NDUFAF5: variants seen among roughly 807,000 people sequenced by gnomAD.
The protein encoded by NDUFAF5 is NADH:ubiquinone oxidoreductase complex assembly factor 5.
Under a neutral mutation model 48.9 loss-of-function variants are expected in NDUFAF5, and 34 were observed. The observed-to-expected ratio is 0.70, with a 90% confidence interval of 0.53 to 0.93. The LOEUF is 0.93. NDUFAF5 is among the 40% of genes least tolerant of loss of function. The pLI is 0.00. For synonymous variants in NDUFAF5, 153 were observed against 150.6 expected, an observed-to-expected ratio of 1.02 and a Z score of -0.12; for missense variants, 428 against 427.5, an observed-to-expected ratio of 1.00 and a Z score of -0.01.
At position 13,785,200 on chromosome 20, in the gene NDUFAF5, G is replaced by T. The variant is rs778663581; in HGVS notation, c.132G>T (p.Leu44=). The part of the protein sequence containing the change: ...SPRGSTSPRT[L]NIFDRDLKRK... ...GCGGTAGCACCTCGCCCAGAACCCT[G>T]AATATTTTCGACCGGGATTTGAAAA... Residue 44 remains leucine (L), a synonymous_variant, in exon 1 of 11, where the codon CTG becomes CTT. Transcript: ENST00000378106. 6.2e-7 allele frequency: 1 copy of T among 1,613,806 alleles called. No homozygotes were observed. Among genetic ancestry groups the T allele is most frequent in the South Asian group, 1.1e-5 (1 of 91,000 alleles).
Position 13,817,788 on chromosome 20 carries a change from T to G in NDUFAF5, c.*578T>G, listed in dbSNP as rs1311876418. 1 of 454,122 alleles carries G rather than the reference T, an allele frequency of 2.2e-6. No individual in the cohort carries two copies. The highest frequency in any genetic ancestry group is 1.6e-5 in the South Asian group (1 of 64,478). 28.1% of individuals were successfully genotyped at this position (454,122 alleles called of 1,614,324 possible). On this transcript the variant is annotated 3_prime_UTR_variant, in exon 11 of 11. Transcript: ENST00000378106. The stretch of plus-strand genomic sequence containing the variant: ...AAAGAATACCAGAAGTAGAATCACA[T>G]GTAACAGTCTCTGCACAGTCATCAG...
intron 8 of NDUFAF5, among the ~76,000 whole-genome samples, chr20:13,813,305 A>G (rs2423749): frequency 0.23 from 34,880 of 152,204 alleles, 4,146 homozygotes; most frequent in Non-Finnish European, 0.26. Flanking sequence ...TGCTTTCGTA[A>G]TGCTGCTTTT....
chr20:13,808,772 G>A (rs1294453993), intron 7 of NDUFAF5, 70 bp from the exon 8 acceptor site: 7 of 1,008,366 alleles, frequency 6.9e-6, no homozygotes, highest in Middle Eastern at 2.7e-4. Flanking sequence ...TAGTCTCTGC[G>A]GCCTCTTTTT....
intron 8 of NDUFAF5, among the ~76,000 whole-genome samples, chr20:13,814,926 G>C (rs1042739857): frequency 1.3e-5 from 2 of 152,202 alleles, no homozygotes; most frequent in African/African-American, 4.8e-5. Flanking sequence ...TGAGTGGCTT[G>C]TGAGGGAAGG....
chr20:13,816,994 T>C (rs1986547750), intron 10 of NDUFAF5, 37 bp downstream of exon 10: 4 of 1,555,898 alleles, frequency 2.6e-6, no homozygotes, highest in Non-Finnish European at 3.5e-6. Context: ...TCTTAGTGGG[T>C]TCGTGTTCAG....
rs1021020343 is a variant in NDUFAF5 at position 13,817,974 on chromosome 20, A to G, written c.*764A>G. On this transcript the variant is annotated 3_prime_UTR_variant, in exon 11 of 11. Coordinates refer to ENST00000378106, the MANE Select transcript of NDUFAF5 (RefSeq NM_024120.5). ...AGAAGAACATAGAGGAAGCAGGGAG[A>G]AGGCTGAGAAGCAAGCAGGAGTGAG... 1.5e-5 allele frequency: 7 copies of G among 454,020 alleles called. No homozygotes were observed. Among genetic ancestry groups the G allele is most frequent in the Non-Finnish European group, 3.1e-5 (7 of 226,798 alleles). The allele number at this position is 454,020 out of a possible 1,614,324, so 28.1% of individuals were successfully genotyped here.
rs1476229210 is a variant in NDUFAF5, at chr20:13,821,020, A to T, written c.*3810A>T. 1.3e-5 allele frequency: 2 copies of T among 152,242 alleles called. No individual in the cohort carries two copies. Among genetic ancestry groups the T allele is most frequent in the East Asian group, 3.8e-4 (2 of 5,204 alleles). 9.4% of individuals were successfully genotyped at this position (152,242 alleles called of 1,614,324 possible). On this transcript the variant is annotated 3_prime_UTR_variant, in exon 11 of 11. Transcript: ENST00000378106. ...TTTAATTCTCTACCTGAATACATAC[A>T]TGACAGTTATTTTACCATGCTGGTT... is the stretch of plus-strand genomic sequence containing the variant.
chr20:13,807,893 G>A (rs1231685292), intron 7 of NDUFAF5, among the ~76,000 whole-genome samples: 1 of 151,594 alleles, frequency 6.6e-6, no homozygotes, highest in Non-Finnish European at 1.5e-5. Context: ...AGGCTGCAAC[G>A]AGCAGAGATC....
chr20:13,803,055 G>A (rs1040067525), intron 7 of NDUFAF5: 1 of 152,176 alleles, frequency 6.6e-6, no homozygotes, highest in Non-Finnish European at 1.5e-5. Flanking sequence ...AAGCTTAAAC[G>A]CTAAAATAGC....
chr20:13,810,579 AGAGAG>A (rs1280352465), intron 8 of NDUFAF5, among the ~76,000 whole-genome samples: 1 of 151,986 alleles, frequency 6.6e-6, no homozygotes, highest in East Asian at 1.9e-4. Context: ...AGGTGTCAGA[AGAGAG>A]GAGAGGAATA....
chr20:13,792,075 G>T (rs1463475485), intron 3 of NDUFAF5, among the ~76,000 whole-genome samples: 3 of 152,188 alleles, frequency 2.0e-5, no homozygotes, highest in Non-Finnish European at 4.4e-5. Context: ...AAGTCTAAAT[G>T]TTCTTCCAAC....
chr20:13,816,224 G>A, intron 8 of NDUFAF5: 1 of 563,100 alleles, frequency 1.8e-6, no homozygotes, highest in Non-Finnish European at 3.2e-6. Context: ...AAAGCATTGT[G>A]GAGCTGCCTC....
Position 13,816,957 on chromosome 20 carries a change from G to T in NDUFAF5, c.945G>T (p.Gln315His). ...TAGGATGGAAATATCATGAGTCACA[G>T]GTAACGTTACTAAGATGGATCACTT... Reference protein sequence around the residue: ...YMIGWKYHESQARPAERGSAT... With the variant: ...YMIGWKYHESHARPAERGSAT... The change falls in exon 10 of 11, where the codon CAG becomes CAT. Residue 315 changes from glutamine to histidine, a missense_variant and splice_region_variant. Gln to His is a conservative substitution (Grantham distance 24, BLOSUM62 0). Transcript: ENST00000378106. 1 of 1,603,238 alleles carries T rather than the reference G, an allele frequency of 6.2e-7. No individual in the cohort carries two copies. The highest frequency in any genetic ancestry group is 8.5e-7 in the Non-Finnish European group (1 of 1,170,112).
intron 6 of NDUFAF5, among the ~76,000 whole-genome samples, chr20:13,801,148 G>C (rs1169714389): frequency 6.6e-6 from 1 of 152,128 alleles, no homozygotes; most frequent in Admixed American, 6.5e-5. Context: ...GGAGGTTTGT[G>C]ATTTTTGCAG....
intron 7 of NDUFAF5, among the ~76,000 whole-genome samples, chr20:13,805,192 T>C (rs1429002492): frequency 6.6e-6 from 1 of 152,112 alleles, no homozygotes; most frequent in Non-Finnish European, 1.5e-5. Context: ...CACATTTTCA[T>C]GAGGTGATGT....
At chr20:13,808,706 A>G (rs1258118851) in intron 7 of NDUFAF5, 136 bp from the exon 8 acceptor site, 1 of 622,170 alleles carries the variant, frequency 1.6e-6, no homozygotes, top group Non-Finnish European at 2.9e-6. Context: ...AAGCCAGATG[A>G]CATCTATGAA....
At position 13,804,653 on chromosome 20, in the gene NDUFAF5, T is replaced by G. The variant is rs78385791; in HGVS notation, c.717+2970T>G. Among the ~76,000 whole-genome samples the G allele has an allele frequency of 2.2e-4, 33 of 152,370 alleles. No homozygotes were observed. In the East Asian group the frequency reaches 5.0e-3, roughly 23 times the overall value. On this transcript the variant is annotated intron_variant, in intron 7 of 10. Coordinates refer to ENST00000378106, the MANE Select transcript of NDUFAF5 (RefSeq NM_024120.5). ...TGAATGACCTTTAGGTTTGTTCTGA[T>G]TTTTTGCCAATAGTAGCAATGCTGC...
rs185276410 is a variant in NDUFAF5 at position 13,820,076 on chromosome 20, G to A, written c.*2866G>A. On this transcript the variant is annotated 3_prime_UTR_variant, in exon 11 of 11. Coordinates refer to ENST00000378106, the MANE Select transcript of NDUFAF5 (RefSeq NM_024120.5). ...GACAGGGCTCTAGTATGTGCACACC[G>A]TGACACCTGTTGGCTGCCAGGAGAC... 7.9e-4 allele frequency: 121 copies of A among 152,270 alleles called. No homozygotes were observed. Among genetic ancestry groups the A allele is most frequent in the African/African-American group, 2.6e-3 (107 of 41,548 alleles). 9.4% of individuals were successfully genotyped at this position (152,270 alleles called of 1,614,324 possible).
chr20:13,809,000 G>C (rs1270451902), intron 8 of NDUFAF5, 98 bp downstream of exon 8: 8 of 823,166 alleles, frequency 9.7e-6, no homozygotes, highest in African/African-American at 3.4e-5. Flanking sequence ...TTGAGAGCCA[G>C]CTCTTTGGCA....
Sources: allele counts gnomAD v4.1 joint callset (sites outside exome capture counted in the v4.1 genomes callset), GRCh38; gene constraint gnomAD v4.1.1; transcripts MANE v1.5; gene names NCBI Gene and HGNC (gene_info 2026-07-23, HGNC 2026-07-21).